Variants in BABAM2 observed in about 807,000 individuals in gnomAD.
The protein encoded by BABAM2 is BRISC and BRCA1 A complex member 2.
A neutral mutation model predicts 54.7 loss-of-function variants in BABAM2; 31 were observed. The ratio of observed to expected loss-of-function variants is 0.57; its 90% CI spans 0.43 to 0.77. The LOEUF is 0.77. Ranked by LOEUF, BABAM2 falls within the 30% of genes least tolerant of loss-of-function variation. The pLI is 0.00. For synonymous variants in BABAM2, 167 were observed against 162.9 expected (o/e 1.03, Z -0.19); for missense variants, 364 against 455.8 (o/e 0.80, Z 1.83).
At chr2:27,992,906 G>C (rs955719672) in intron 4 of BABAM2, among the ~76,000 whole-genome samples, 4 of 152,082 alleles carry the variant, frequency 2.6e-5, no homozygotes, top group Non-Finnish European at 5.9e-5. Flanking sequence ...GCACTTACCT[G>C]AATGGCTTGT....
chr2:27,949,684 C>T (rs1005947338), intron 3 of BABAM2, among the ~76,000 whole-genome samples: 2 of 152,154 alleles, frequency 1.3e-5, no homozygotes, highest in Non-Finnish European at 2.9e-5. Context: ...TTATCAGGAA[C>T]AAACAGAAGG....
chr2:28,250,318 C>CTTTTTTT, intron 10 of BABAM2, among the ~76,000 whole-genome samples: 1 of 118,794 alleles, frequency 8.4e-6, no homozygotes, highest in African/African-American at 3.2e-5. Context: ...ATTTGTTGAA[C>CTTTTTTT]TTTTTTTTTT....
intron 6 of BABAM2, among the ~76,000 whole-genome samples, chr2:28,072,838 A>G (rs182781414): frequency 9.8e-5 from 15 of 152,382 alleles, no homozygotes; most frequent in African/African-American, 3.1e-4. Flanking sequence ...AACTTTGAAC[A>G]TATACAAAGA....
At chr2:28,261,766 T>TTCCCC (rs954214584) in intron 10 of BABAM2, among the ~76,000 whole-genome samples, 2 of 148,220 alleles carry the variant, frequency 1.3e-5, no homozygotes, top group African/African-American at 5.0e-5. Flanking sequence ...CTCTCCTCCT[T>TTCCCC]TCCCCTCCCC....
intron 10 of BABAM2, among the ~76,000 whole-genome samples, chr2:28,271,194 T>G (rs558001932): frequency 9.2e-5 from 14 of 152,334 alleles, no homozygotes; most frequent in African/African-American, 3.4e-4. Context: ...TATGGACGTC[T>G]TCAGAAGCAC....
At chr2:28,210,750 G>C (rs1347444746) in intron 7 of BABAM2, among the ~76,000 whole-genome samples, 1 of 152,182 alleles carries the variant, frequency 6.6e-6, no homozygotes, top group East Asian at 1.9e-4. Context: ...CTGAAGTACA[G>C]TAGCAAAGCT....
At chr2:28,021,924 G>C in intron 4 of BABAM2, among the ~76,000 whole-genome samples, 1 of 152,148 alleles carries the variant, frequency 6.6e-6, no homozygotes, top group Middle Eastern at 3.4e-3. Context: ...AGGTATCCTC[G>C]CGCATGTCTA....
At chr2:28,255,417 A>T (rs897976552) in intron 10 of BABAM2, among the ~76,000 whole-genome samples, 2 of 151,706 alleles carry the variant, frequency 1.3e-5, no homozygotes, top group Admixed American at 6.6e-5. Context: ...GGGATTACAG[A>T]CATGCACCGT....
intron 10 of BABAM2, among the ~76,000 whole-genome samples, chr2:28,286,911 A>C (rs968573786): frequency 1.3e-5 from 2 of 152,154 alleles, no homozygotes; most frequent in African/African-American, 4.8e-5. Context: ...TTTTCTCTAG[A>C]ATGTAAAGGT....
At position 28,129,387 on chromosome 2, in the gene BABAM2, G is replaced by A; in HGVS notation, c.680+7G>A. On this transcript the variant is annotated splice_region_variant and intron_variant, in intron 7 of 11. Transcript: ENST00000379624. ...TGTCACCTCGAATTGAGCAGTAAGT[G>A]TCATTAACATGAGGTAGCCTGGTGC... 6.2e-7 allele frequency: 1 copy of A among 1,605,304 alleles called. No homozygotes were observed. Among genetic ancestry groups the A allele is most frequent in the South Asian group, 1.1e-5 (1 of 90,864 alleles).
At chr2:28,313,471 G>A (rs1024447043) in intron 11 of BABAM2, among the ~76,000 whole-genome samples, 2 of 152,200 alleles carry the variant, frequency 1.3e-5, no homozygotes, top group Non-Finnish European at 2.9e-5. Context: ...GCAGAAATGG[G>A]GTGGGGGTGA....
intron 4 of BABAM2, among the ~76,000 whole-genome samples, chr2:28,009,860 C>T (rs1323772904): frequency 6.6e-6 from 1 of 152,074 alleles, no homozygotes; most frequent in Admixed American, 6.6e-5. Flanking sequence ...GTTTACTGGC[C>T]AGAGGCACAC....
chr2:27,940,008 A>G (rs988383453), intron 3 of BABAM2, among the ~76,000 whole-genome samples: 7 of 152,344 alleles, frequency 4.6e-5, no homozygotes, highest in South Asian at 2.1e-4. Flanking sequence ...AGAGTTGCCA[A>G]TTTGTATAAG....
chr2:27,933,723 A>G (rs1668273535), intron 3 of BABAM2, among the ~76,000 whole-genome samples: 1 of 150,960 alleles, frequency 6.6e-6, no homozygotes, highest in Non-Finnish European at 1.5e-5. Flanking sequence ...TCAGCCTCCC[A>G]AAATGCTGGG....
chr2:28,034,395 A>G (rs977375182), intron 5 of BABAM2, among the ~76,000 whole-genome samples: 1 of 152,210 alleles, frequency 6.6e-6, no homozygotes, highest in Non-Finnish European at 1.5e-5. Flanking sequence ...TTAAGTAAAT[A>G]TGGAGTCAAG....
intron 6 of BABAM2, among the ~76,000 whole-genome samples, chr2:28,096,858 G>A (rs971135550): frequency 8.6e-5 from 13 of 151,964 alleles, no homozygotes; most frequent in African/African-American, 2.9e-4. Flanking sequence ...ATTCCCCAGA[G>A]TAGAATTATT....
At chr2:28,144,515 A>G (rs1292831602) in intron 7 of BABAM2, among the ~76,000 whole-genome samples, 2 of 152,184 alleles carry the variant, frequency 1.3e-5, no homozygotes, top group African/African-American at 2.4e-5. Context: ...CTCTACCCCC[A>G]GATAATCTTG....
chr2:27,944,074 T>A (rs1669118519), intron 3 of BABAM2, among the ~76,000 whole-genome samples: 1 of 152,210 alleles, frequency 6.6e-6, no homozygotes, highest in African/African-American at 2.4e-5. Flanking sequence ...TCTTTGGTAC[T>A]GATTATAGTT....
chr2:28,069,281 C>T (rs1663905564), intron 6 of BABAM2, among the ~76,000 whole-genome samples: 1 of 152,164 alleles, frequency 6.6e-6, no homozygotes, highest in African/African-American at 2.4e-5. Flanking sequence ...TTGGAATGTT[C>T]TGTGATTGTT....
Sources: gnomAD v4.1 joint callset for allele counts (sites outside exome capture counted in the v4.1 genomes callset) on GRCh38, gnomAD v4.1.1 for gene constraint, MANE v1.5 for transcripts, NCBI Gene and HGNC (gene_info 2026-07-23, HGNC 2026-07-21) for gene names.